The following ATN1 variants were observed in gnomAD, a reference collection of about 807,000 sequenced individuals.
The protein encoded by ATN1 is atrophin-1.
Under a neutral mutation model 85.8 loss-of-function variants are expected in ATN1, and 19 were observed. That is an observed-to-expected ratio of 0.22 (90% CI 0.15 to 0.32). ATN1 has a LOEUF of 0.32. Among genes scored for constraint, ATN1 ranks in the 10% least tolerant of loss-of-function variants. ATN1 has a pLI of 1.00. For missense variants in ATN1, 1,453 were observed against 1,564.5 expected (o/e 0.93, Z 1.20); for synonymous variants, 674 against 657.0 (o/e 1.03, Z -0.39).
At chr12:6,932,442 C>T (rs1945477923) in intron 1 of ATN1, among the ~76,000 whole-genome samples, 2 of 152,172 alleles carry the variant, frequency 1.3e-5, no homozygotes, top group South Asian at 4.1e-4. Context: ...TAAGAAAATA[C>T]CATTTTTGCT....
Position 6,941,850 on chromosome 12 carries a change from T to G in ATN1, c.*70T>G. 1 of 1,534,820 alleles carries G rather than the reference T, an allele frequency of 6.5e-7. No individual in the cohort carries two copies. Among genetic ancestry groups the G allele is most frequent in the Non-Finnish European group, 9.0e-7 (1 of 1,109,048 alleles). ...GAGCACCCCCACCCTCCCCCCACCGTGCCCTTGGCCTGCCACCCAGAGCCA... is the reference window on the plus strand; with the variant it reads ...GAGCACCCCCACCCTCCCCCCACCGGGCCCTTGGCCTGCCACCCAGAGCCA... On this transcript the variant is annotated 3_prime_UTR_variant, in exon 10 of 10. Coordinates refer to ENST00000396684, the MANE Select transcript of ATN1 (RefSeq NM_001940.4). The surrounding 1 kb of genome is among the most constrained non-coding windows in gnomAD (Gnocchi z 5.9).
At chr12:6,925,117 CGTGTGTGTGTGT>C (rs376981297), upstream of ATN1, among the ~76,000 whole-genome samples, 2 of 143,718 alleles carry the variant, frequency 1.4e-5, no homozygotes, top group African/African-American at 5.4e-5. Flanking sequence ...TGTGCGTGTG[CGTGTGTGTGTGT>C]GTGTGTGTGT....
chr12:6,933,547 T>G (rs782558771), intron 1 of ATN1, among the ~76,000 whole-genome samples: 1 of 152,352 alleles, frequency 6.6e-6, no homozygotes, highest in South Asian at 2.1e-4. Context: ...ACAAATATCC[T>G]TTAGGGATCA....
At chr12:6,933,273 G>T (rs1945488944) in intron 1 of ATN1, among the ~76,000 whole-genome samples, 1 of 151,298 alleles carries the variant, frequency 6.6e-6, no homozygotes, top group South Asian at 2.1e-4. Context: ...CTGGAGTGCA[G>T]TGGCATGATC....
rs781969346 is a variant in ATN1 at position 6,934,450 on chromosome 12, CTT to C, written c.166-13_166-12del. The C allele has an allele frequency of 6.3e-7, 1 of 1,595,624 alleles. No homozygotes were observed. The highest frequency in any genetic ancestry group is 8.5e-7 in the Non-Finnish European group (1 of 1,170,626). On this transcript the variant is annotated splice_polypyrimidine_tract_variant and intron_variant, in intron 3 of 9. Coordinates refer to ENST00000396684, the MANE Select transcript of ATN1 (RefSeq NM_001940.4). The surrounding 1 kb of genome is among the most constrained non-coding windows in gnomAD (Gnocchi z 4.5). ...GGTAGGGAAAAGACAGGAATTTTCT[CTT>C]TCTCTCTAACAGAAGGCCCGAGTAG...
In ATN1 at chr12:6,937,263, C is replaced by G; in HGVS notation, c.1996C>G (p.Arg666Gly). 6.2e-7 allele frequency: 1 copy of G among 1,610,282 alleles called. No homozygotes were observed. Among genetic ancestry groups the G allele is most frequent in the South Asian group, 1.1e-5 (1 of 90,912 alleles). ...GYKPGSPPSF[R>G]TGTPPGYRGT... Reference sequence around the variant, plus strand: ...CAAACCCGGGTCGCCTCCCTCCTTCCGAACGGGGACCCCACCGGGCTATCG... The same window carrying G: ...CAAACCCGGGTCGCCTCCCTCCTTCGGAACGGGGACCCCACCGGGCTATCG... Residue 666 changes from arginine to glycine, a missense_variant, in exon 5 of 10, where the codon CGA (arginine) becomes GGA (glycine). Arg to Gly is a moderately radical substitution (Grantham distance 125). Coordinates refer to ENST00000396684, the MANE Select transcript of ATN1 (RefSeq NM_001940.4). This position sits in a 1 kb window ranked among gnomAD's most constrained non-coding sequence, Gnocchi z 6.0.
intron 7 of ATN1, among the ~76,000 whole-genome samples, chr12:6,939,688 G>C (rs997933979): frequency 6.6e-6 from 1 of 152,104 alleles, no homozygotes; most frequent in African/African-American, 2.4e-5. Flanking sequence ...TTTTGGTAGA[G>C]ACGGGGTTTC....
Position 6,941,981 on chromosome 12 carries a change from T to G in ATN1, c.*201T>G. 1 of 600,022 alleles carries G rather than the reference T, an allele frequency of 1.7e-6. No homozygotes were observed. The highest frequency in any genetic ancestry group is 3.0e-6 in the Non-Finnish European group (1 of 336,428). The allele number at this position is 600,022 out of a possible 1,614,324, so 37.2% of individuals were successfully genotyped here. On this transcript the variant is annotated 3_prime_UTR_variant, in exon 10 of 10. Transcript: ENST00000396684. The surrounding 1 kb of genome is among the most constrained non-coding windows in gnomAD (Gnocchi z 5.9). ...GATGTGGTGTGCAGAGGTGGGGAGG[T>G]GGCGAGGATGGGGACAGAAAGCGCA...
intron 7 of ATN1, among the ~76,000 whole-genome samples, chr12:6,939,741 C>G (rs1282005108): frequency 6.6e-6 from 1 of 152,086 alleles, no homozygotes; most frequent in Non-Finnish European, 1.5e-5. Flanking sequence ...GAGCTCAAAG[C>G]GATCCACCCA....
intron 1 of ATN1, among the ~76,000 whole-genome samples, chr12:6,929,551 G>C (rs781854243): frequency 3.4e-4 from 51 of 152,232 alleles, no homozygotes; most frequent in African/African-American, 1.1e-3. Context: ...AGATTGGTTG[G>C]GGGGGCTTCG....
Position 6,934,486 on chromosome 12 carries a change from T to G in ATN1, c.187T>G (p.Ser63Ala), listed in dbSNP as rs1056633656. 1.0e-5 allele frequency: 16 copies of G among 1,592,270 alleles called. No homozygotes were observed. The highest frequency in any genetic ancestry group is 1.4e-5 in the Non-Finnish European group (16 of 1,168,944). Residue 63 changes from serine to alanine, a missense_variant, in exon 4 of 10, where the codon TCC becomes GCC. By Grantham distance (99) the Ser-to-Ala change is moderately conservative. This residue lies in a region of ATN1 where 130 missense variants were observed against 158.2 expected (regional missense o/e 0.82). Transcript: ENST00000396684. This position sits in a 1 kb window ranked among gnomAD's most constrained non-coding sequence, Gnocchi z 4.5. ...ACAGAAGGCCCGAGTAGAGGAAGCC[T>G]CCACCCCAAAGGTCAACAAGCAGGG... ...TAKKARVEEA[S>A]TPKVNKQGRS...
At position 6,938,574 on chromosome 12, in the gene ATN1, A is replaced by G. The variant is rs781891087; in HGVS notation, c.2611A>G (p.Thr871Ala). The G allele has an allele frequency of 5.0e-6, 8 of 1,614,198 alleles. No individual in the cohort carries two copies. In the Admixed American group the frequency reaches 1.2e-4, roughly 24 times the overall value. ...ATTTGAACCGGGCAGTGCGGTGGCT[A>G]CAGTGCCCCCCTACCTGGGTCCTGA... The part of the protein sequence containing the change: ...PPFEPGSAVA[T>A]VPPYLGPDTP... Residue 871 changes from threonine to alanine, a missense_variant, in exon 7 of 10, where the codon ACA becomes GCA. Coordinates refer to ENST00000396684, the MANE Select transcript of ATN1 (RefSeq NM_001940.4).
At chr12:6,939,476 T>C (rs1180371344) in intron 7 of ATN1, among the ~76,000 whole-genome samples, 2 of 152,210 alleles carry the variant, frequency 1.3e-5, no homozygotes, top group African/African-American at 4.8e-5. Flanking sequence ...CACAGCCCCA[T>C]TCTCCCAAGC....
At position 6,934,957 on chromosome 12, in the gene ATN1, C is replaced by A. The variant is rs782337686; in HGVS notation, c.279+379C>A. 1.1e-4 allele frequency among the ~76,000 whole-genome samples: 17 copies of A among 152,276 alleles called. No homozygotes were observed. Among genetic ancestry groups the A allele is most frequent in the African/African-American group, 4.1e-4 (17 of 41,556 alleles). ...CCAGGCTGGAGTACAGTGGCACAAT[C>A]TCAGCTCATTGCAACCTCCGCCTCC... is the stretch of plus-strand genomic sequence containing the variant. On this transcript the variant is annotated intron_variant, in intron 4 of 9. Coordinates refer to ENST00000396684, the MANE Select transcript of ATN1 (RefSeq NM_001940.4). This position sits in a 1 kb window ranked among gnomAD's most constrained non-coding sequence, Gnocchi z 4.5.
intron 6 of ATN1, 129 bp from the exon 7 acceptor site, chr12:6,938,352 C>A: frequency 7.3e-7 from 1 of 1,367,788 alleles, no homozygotes; most frequent in Admixed American, 2.8e-5. Context: ...CAGTTAAGTT[C>A]CAGGTGGGCA....
upstream of ATN1, among the ~76,000 whole-genome samples, chr12:6,925,042 A>G (rs1164361161): frequency 6.6e-6 from 1 of 151,570 alleles, no homozygotes; most frequent in African/African-American, 2.4e-5. Flanking sequence ...TTGCCTGGAG[A>G]CCAATGGGTT....
At position 6,941,624 on chromosome 12, in the gene ATN1, G is replaced by A. The variant is rs1177652489; in HGVS notation, c.3539+70G>A. 4.0e-5 allele frequency: 64 copies of A among 1,598,666 alleles called. No individual in the cohort carries two copies. Among genetic ancestry groups the A allele is most frequent in the African/African-American group, 3.6e-4 (27 of 74,642 alleles). On this transcript the variant is annotated intron_variant, in intron 9 of 9. Transcript: ENST00000396684. The surrounding 1 kb of genome is among the most constrained non-coding windows in gnomAD (Gnocchi z 5.9). ...CTGGGAGGAGCTGTGGGCATGGTAC[G>A]GCTGGGCACCGTGCTCCTGGGGGAG...
Position 6,939,087 on chromosome 12 carries a change from C to T in ATN1, c.3124C>T (p.Leu1042=). The change falls in exon 7 of 10, where the codon CTG becomes TTG. Residue 1042 remains leucine, a synonymous_variant. Coordinates refer to ENST00000396684, the MANE Select transcript of ATN1 (RefSeq NM_001940.4). ...CCTGGGCAATGACCCACTGGCCCGG[C>T]TGCAGATGCTCAATGTGACTCCCCA... ...AALGNDPLAR[L]QMLNVTPHHH... 1 of 1,602,750 alleles carries T rather than the reference C, an allele frequency of 6.2e-7. No homozygotes were observed. Among genetic ancestry groups the T allele is most frequent in the Non-Finnish European group, 8.5e-7 (1 of 1,179,970 alleles).
At chr12:6,927,319 C>T (rs970078061), upstream of ATN1, among the ~76,000 whole-genome samples, 16 of 151,964 alleles carry the variant, frequency 1.1e-4, no homozygotes, top group Non-Finnish European at 2.1e-4. Flanking sequence ...CCATCTCTGC[C>T]ACAGATCCCT....
Sources: gnomAD v4.1 joint callset for allele counts (sites outside exome capture counted in the v4.1 genomes callset) on GRCh38, gnomAD v4.1.1 for gene constraint, gnomAD v4.1.1 regional missense constraint, Gnocchi (gnomAD v3.1) non-coding constraint, MANE v1.5 for transcripts, NCBI Gene and HGNC (gene_info 2026-07-23, HGNC 2026-07-21) for gene names.